Variants in CHPT1 observed in about 807,000 individuals in gnomAD.
CHPT1 encodes cholinephosphotransferase 1.
A neutral mutation model predicts 47.6 loss-of-function variants in CHPT1; 36 were observed. The observed-to-expected ratio is 0.76, with a 90% CI of 0.58 to 1.00. CHPT1 has a LOEUF of 1.00. CHPT1 is among the 50% of genes least tolerant of loss of function. The pLI is 0.00. For missense variants in CHPT1, 458 were observed against 498.1 expected (o/e 0.92, Z 0.77); for synonymous variants, 194 against 186.3 (o/e 1.04, Z -0.33).
intron 1 of CHPT1, among the ~76,000 whole-genome samples, chr12:101,704,272 TTTTA>T (rs1951597781): frequency 6.6e-6 from 1 of 152,130 alleles, no homozygotes. Context: ...AGATTTTTTC[TTTTA>T]TATATTATCT....
chr12:101,721,694 A>G (rs1250228060), intron 5 of CHPT1, among the ~76,000 whole-genome samples: 1 of 152,224 alleles, frequency 6.6e-6, no homozygotes, highest in Non-Finnish European at 1.5e-5. Context: ...GTGGATGATA[A>G]CATAGAACAA....
intron 4 of CHPT1, chr12:101,717,341 C>CT: frequency 2.2e-6 from 1 of 451,014 alleles, no homozygotes; most frequent in Non-Finnish European, 4.5e-6. Flanking sequence ...TAAATTCAAG[C>CT]TTTTTTGCAA....
chr12:101,717,606 T>C (rs938766516), intron 4 of CHPT1, among the ~76,000 whole-genome samples: 4 of 152,058 alleles, frequency 2.6e-5, no homozygotes, highest in African/African-American at 9.7e-5. Context: ...AGTCTTAGGG[T>C]GATTAAGTAA....
intron 1 of CHPT1, among the ~76,000 whole-genome samples, chr12:101,704,545 G>A (rs1951604161): frequency 1.3e-5 from 2 of 151,200 alleles, no homozygotes; most frequent in Admixed American, 6.6e-5. Context: ...GGGATTACAG[G>A]TGTGCACCAC....
chr12:101,723,002 T>C (rs191200504), intron 5 of CHPT1, among the ~76,000 whole-genome samples, 166 bp from the exon 6 acceptor site: 28 of 152,344 alleles, frequency 1.8e-4, no homozygotes, highest in Admixed American at 1.4e-3. Flanking sequence ...CCTCAGGTTC[T>C]ATGAAACCTT....
rs1226540663 is a variant in CHPT1 at position 101,698,075 on chromosome 12, G to C, written c.214G>C (p.Ala72Pro). 4 of 1,567,296 alleles carry C rather than the reference G, an allele frequency of 2.6e-6. No individual in the cohort carries two copies. The highest frequency in any genetic ancestry group is 3.4e-6 in the Non-Finnish European group (4 of 1,165,050). The change falls in exon 1 of 9, where the codon GCC becomes CCC. Residue 72 changes from alanine to proline, a missense_variant. By Grantham distance (27) the Ala-to-Pro change is conservative (BLOSUM62 -1). Transcript: ENST00000229266. Reference protein sequence around the residue: ...APNSITLLGLAVNVVTTLVLI... With the variant: ...APNSITLLGLPVNVVTTLVLI... ...CAACTCCATCACCCTGCTGGGGCTC[G>C]CCGTCAACGTGGTCACCACGCTCGT... is the stretch of plus-strand genomic sequence containing the variant.
chr12:101,705,678 A>G (rs1951620926), intron 1 of CHPT1, among the ~76,000 whole-genome samples: 1 of 108,684 alleles, frequency 9.2e-6, no homozygotes, highest in African/African-American at 3.8e-5. Context: ...GGGTGCAAGT[A>G]GAGTCTAGAG....
Position 101,723,768 on chromosome 12 carries a change from T to C in CHPT1, c.986T>C (p.Phe329Ser). 15 of 1,594,624 alleles carry C rather than the reference T, an allele frequency of 9.4e-6. No individual in the cohort carries two copies. The highest frequency in any genetic ancestry group is 1.3e-5 in the Non-Finnish European group (15 of 1,165,972). Reference protein sequence around the residue: ...KSELYLQDTVFLGPGLLFLDQ... With the variant: ...KSELYLQDTVSLGPGLLFLDQ... ...GAACTATATCTTCAAGACACTGTCT[T>C]TTTGGGGCCAGGTCTTTTGTTTTTA... Residue 329 changes from phenylalanine to serine, a missense_variant, in exon 7 of 9, where the codon TTT (phenylalanine) becomes TCT (serine). Transcript: ENST00000229266.
intron 5 of CHPT1, among the ~76,000 whole-genome samples, chr12:101,722,886 A>G (rs557944171): frequency 6.6e-6 from 1 of 152,282 alleles, no homozygotes; most frequent in African/African-American, 2.4e-5. Context: ...TCGATGTAGT[A>G]AAAGTTGATA....
At chr12:101,724,454 T>C (rs374007026) in intron 7 of CHPT1, among the ~76,000 whole-genome samples, 2 of 152,266 alleles carry the variant, frequency 1.3e-5, no homozygotes, top group East Asian at 1.9e-4. Context: ...CACTTTACTC[T>C]GCCCAAAGAC....
At chr12:101,718,092 A>G (rs557875570) in intron 4 of CHPT1, among the ~76,000 whole-genome samples, 2 of 152,350 alleles carry the variant, frequency 1.3e-5, no homozygotes, top group South Asian at 4.1e-4. Context: ...TGGAGACAGT[A>G]AAAGGATCAG....
At position 101,723,793 on chromosome 12, in the gene CHPT1, A is replaced by C. The variant is rs142506108; in HGVS notation, c.1011A>C (p.Leu337Phe). The C allele has an allele frequency of 6.4e-7, 1 of 1,566,952 alleles. No homozygotes were observed. Among genetic ancestry groups the C allele is most frequent in the African/African-American group, 1.4e-5 (1 of 73,266 alleles). The part of the protein sequence containing the change: ...TVFLGPGLLF[L>F]DQYFNNFIDE... ...TTTTGGGGCCAGGTCTTTTGTTTTT[A>C]GACCAGTACTTTAATAACTTTATAG... The change falls in exon 7 of 9, where the codon TTA (leucine) becomes TTC (phenylalanine). Residue 337 changes from leucine (L) to phenylalanine (F), a missense_variant. By Grantham distance (22) the Leu-to-Phe change is conservative. Transcript: ENST00000229266.
chr12:101,722,526 AAAAG>A (rs1951866358), intron 5 of CHPT1, among the ~76,000 whole-genome samples: 1 of 151,926 alleles, frequency 6.6e-6, no homozygotes, highest in Non-Finnish European at 1.5e-5. Flanking sequence ...TCTGAATGCA[AAAAG>A]AAAGGAGGTG....
rs142632927 is a variant in CHPT1, at chr12:101,712,122, G to T, written c.274-1968G>T. On this transcript the variant is annotated intron_variant, in intron 1 of 8. Transcript: ENST00000229266. ...TGCACCCTCGACTTCCCCAGGCTTG[G>T]GTGATCCTCCCACCTCAGCCTCCTG... 1.6e-3 allele frequency among the ~76,000 whole-genome samples: 231 copies of T among 148,444 alleles called. 12 individuals are homozygous for T. The highest frequency in any genetic ancestry group is 4.2e-3 in the African/African-American group (171 of 41,122).
chr12:101,724,218 CAAA>C (rs36006364), intron 7 of CHPT1, among the ~76,000 whole-genome samples: 4 of 77,144 alleles, frequency 5.2e-5, no homozygotes, highest in Non-Finnish European at 5.5e-5. Flanking sequence ...GACTGTGTCT[CAAA>C]AAAAAAAAAA....
chr12:101,698,034 C>T lies in CHPT1; in HGVS notation c.173C>T (p.Pro58Leu). Residue 58 changes from proline (P) to leucine (L), a missense_variant, in exon 1 of 9, where the codon CCG becomes CTG. Transcript: ENST00000229266. ...TGGACCTGGCTGCTCCAGTGGATCCCGCTCTGGATGGCCCCCAACTCCATC... is the reference window on the plus strand; with the variant it reads ...TGGACCTGGCTGCTCCAGTGGATCCTGCTCTGGATGGCCCCCAACTCCATC... ...LYWTWLLQWI[P>L]LWMAPNSITL... is the part of the protein sequence containing the mutation. 1.9e-6 allele frequency: 3 copies of T among 1,581,154 alleles called. No homozygotes were observed. Among genetic ancestry groups the T allele is most frequent in the East Asian group, 2.4e-5 (1 of 42,490 alleles).
chr12:101,698,914 G>A (rs1473208927), intron 1 of CHPT1, among the ~76,000 whole-genome samples: 4 of 152,124 alleles, frequency 2.6e-5, no homozygotes, highest in Admixed American at 6.5e-5. Context: ...ATACTACGTG[G>A]GATAAATATT....
At position 101,697,830 on chromosome 12, in the gene CHPT1, C is replaced by G. The variant is rs1380899705; in HGVS notation, c.-32C>G. 1.1e-6 allele frequency: 1 copy of G among 918,362 alleles called. No homozygotes were observed. The highest frequency in any genetic ancestry group is 1.3e-6 in the Non-Finnish European group (1 of 752,920). 56.9% of individuals were successfully genotyped at this position (918,362 alleles called of 1,614,324 possible). On this transcript the variant is annotated 5_prime_UTR_variant, in exon 1 of 9. Transcript: ENST00000229266. ...CCCCCAGCGCCAGGCGCGGGCTGCG[C>G]TCGGTGGCGGCGGCGGGGCCCTCAG...
At chr12:101,699,549 G>A (rs78927086) in intron 1 of CHPT1, among the ~76,000 whole-genome samples, 6 of 151,764 alleles carry the variant, frequency 4.0e-5, no homozygotes, top group East Asian at 1.9e-4. Flanking sequence ...CACCACGCCC[G>A]GCTAATTTTT....
Sources: gnomAD v4.1 joint callset for allele counts (sites outside exome capture counted in the v4.1 genomes callset) on GRCh38, gnomAD v4.1.1 for gene constraint, MANE v1.5 for transcripts, NCBI Gene and HGNC (gene_info 2026-07-23, HGNC 2026-07-21) for gene names.